The following INVS variants were observed in gnomAD, a reference collection of about 807,000 sequenced individuals.
INVS encodes the protein inversin.
Under a neutral mutation model 108.8 loss-of-function variants are expected in INVS, and 86 were observed. That is an observed-to-expected ratio of 0.79 (90% CI 0.66 to 0.95). The LOEUF (loss-of-function observed/expected upper bound fraction) is 0.95, where lower values mean the gene tolerates loss of function less well. INVS is among the 40% of genes least tolerant of loss of function. The pLI is 0.00. For missense variants in INVS, 1,169 were observed against 1,297.4 expected (o/e 0.90, Z 1.52); for synonymous variants, 455 against 473.5 (o/e 0.96, Z 0.51).
chr9:100,136,605 A>G (rs374280649), intron 3 of INVS, among the ~76,000 whole-genome samples: 1 of 152,208 alleles, frequency 6.6e-6, no homozygotes, highest in East Asian at 1.9e-4. Flanking sequence ...TATTTGGTTG[A>G]TAAGTCTTTT....
chr9:100,278,197 T>C (rs558865056), intron 12 of INVS, among the ~76,000 whole-genome samples: 1 of 120,302 alleles, frequency 8.3e-6, no homozygotes, highest in Non-Finnish European at 1.6e-5. Flanking sequence ...ACTATTGCAC[T>C]CCAGCCTGGA....
chr9:100,267,102 T>C (rs1832819767), intron 11 of INVS, among the ~76,000 whole-genome samples: 1 of 151,982 alleles, frequency 6.6e-6, no homozygotes, highest in Non-Finnish European at 1.5e-5. Flanking sequence ...AAAAATTTAT[T>C]CTGTGTAACA....
intron 7 of INVS, among the ~76,000 whole-genome samples, chr9:100,243,868 G>A (rs1463448278): frequency 1.3e-5 from 2 of 151,980 alleles, no homozygotes; most frequent in South Asian, 2.1e-4. Flanking sequence ...AAAATTAGCC[G>A]GGCGAAGTGG....
intron 3 of INVS, among the ~76,000 whole-genome samples, chr9:100,182,764 TAATCCCATTACTG>T (rs1829932109): frequency 1.3e-5 from 2 of 152,050 alleles, no homozygotes; most frequent in Admixed American, 1.3e-4. Context: ...TTTAACCCAG[TAATCCCATTACTG>T]GATATATGCC....
intron 1 of INVS, chr9:100,102,105 T>C (rs1384800297): frequency 1.9e-5 from 2 of 103,100 alleles, no homozygotes; most frequent in African/African-American, 8.1e-5. Context: ...TTTTATTTTA[T>C]TTTTTTTGAG....
At chr9:100,107,146 C>T (rs781202799) in intron 2 of INVS, among the ~76,000 whole-genome samples, 1 of 152,054 alleles carries the variant, frequency 6.6e-6, no homozygotes, top group Non-Finnish European at 1.5e-5. Flanking sequence ...AACAAATAAA[C>T]ATAAAGCAAA....
At chr9:100,258,719 G>T (rs1052005337) in intron 10 of INVS, among the ~76,000 whole-genome samples, 1 of 152,324 alleles carries the variant, frequency 6.6e-6, no homozygotes, top group South Asian at 2.1e-4. Flanking sequence ...ACCAGCGGAG[G>T]CTGCAGAACA....
chr9:100,231,515 AC>A, intron 5 of INVS, among the ~76,000 whole-genome samples: 1 of 64,260 alleles, frequency 1.6e-5, no homozygotes, highest in African/African-American at 6.0e-5. Flanking sequence ...CTTGCCCCCC[AC>A]CCCCCAACAG....
intron 3 of INVS, among the ~76,000 whole-genome samples, chr9:100,198,883 G>T (rs987487568): frequency 6.6e-6 from 1 of 152,112 alleles, no homozygotes; most frequent in Non-Finnish European, 1.5e-5. Flanking sequence ...GAGCCACCAT[G>T]CCTGGCCCTG....
At chr9:100,103,814 G>A (rs938699569) in intron 1 of INVS, among the ~76,000 whole-genome samples, 1 of 151,880 alleles carries the variant, frequency 6.6e-6, no homozygotes, top group African/African-American at 2.4e-5. Flanking sequence ...GCCTCACAAA[G>A]TGCTGGGATT....
intron 6 of INVS, 73 bp from the exon 7 acceptor site, chr9:100,242,497 T>C (rs1831908912): frequency 1.1e-6 from 1 of 903,520 alleles, no homozygotes; most frequent in Non-Finnish European, 1.8e-6. Flanking sequence ...TTCTTATCTT[T>C]TTCATTTAAA....
chr9:100,122,685 G>A (rs947285388), intron 2 of INVS, among the ~76,000 whole-genome samples: 1 of 138,192 alleles, frequency 7.2e-6, no homozygotes, highest in South Asian at 2.4e-4. Flanking sequence ...CCGGGTTCAC[G>A]CCATTCTCCT....
chr9:100,166,110 A>G (rs1222796906), intron 3 of INVS, among the ~76,000 whole-genome samples: 1 of 152,220 alleles, frequency 6.6e-6, no homozygotes, highest in African/African-American at 2.4e-5. Flanking sequence ...CAAGAATGAT[A>G]GAATATCACA....
At chr9:100,252,463 T>A in intron 9 of INVS, 25 bp downstream of exon 9, 1 of 1,603,526 alleles carries the variant, frequency 6.2e-7, no homozygotes, top group Non-Finnish European at 8.5e-7. Flanking sequence ...GTACTCCTAA[T>A]AAGTCTCTCT....
chr9:100,212,844 T>C (rs1185506329), intron 3 of INVS, among the ~76,000 whole-genome samples: 2 of 152,194 alleles, frequency 1.3e-5, no homozygotes, highest in Non-Finnish European at 2.9e-5. Flanking sequence ...TCATGTCATT[T>C]CCTTCTTAAA....
intron 3 of INVS, among the ~76,000 whole-genome samples, chr9:100,205,680 A>G (rs1588087564): frequency 6.6e-6 from 1 of 151,666 alleles, no homozygotes; most frequent in Non-Finnish European, 1.5e-5. Context: ...ATCAATAATA[A>G]TTATAATTAA....
chr9:100,165,431 G>T (rs1319624626), intron 3 of INVS, among the ~76,000 whole-genome samples: 1 of 152,016 alleles, frequency 6.6e-6, no homozygotes, highest in Non-Finnish European at 1.5e-5. Context: ...CTATCCTACA[G>T]TTATTAGCTG....
chr9:100,135,110 T>C (rs1046171336), intron 3 of INVS, among the ~76,000 whole-genome samples: 6 of 152,232 alleles, frequency 3.9e-5, no homozygotes, highest in African/African-American at 1.4e-4. Flanking sequence ...TACCAGTCTG[T>C]ATGCTTAAGA....
intron 2 of INVS, among the ~76,000 whole-genome samples, chr9:100,123,292 C>T (rs769444621): frequency 2.6e-5 from 4 of 152,156 alleles, no homozygotes; most frequent in Admixed American, 1.3e-4. Context: ...GGCAACTACT[C>T]ATCTACTTTC....
Sources: gnomAD v4.1 joint callset for allele counts (sites outside exome capture counted in the v4.1 genomes callset) on GRCh38, gnomAD v4.1.1 for gene constraint, MANE v1.5 for transcripts, NCBI Gene and HGNC (gene_info 2026-07-23, HGNC 2026-07-21) for gene names.